PLPPR1: variants seen among roughly 807,000 people sequenced by gnomAD.
The protein encoded by PLPPR1 is phospholipid phosphatase-related protein type 1.
Under a neutral mutation model 33.1 loss-of-function variants are expected in PLPPR1, and 10 were observed. The ratio of observed to expected loss-of-function variants is 0.30; its 90% CI spans 0.19 to 0.51. PLPPR1 has a LOEUF of 0.51. Ranked by LOEUF, PLPPR1 falls within the 20% of genes least tolerant of loss-of-function variation. The pLI, the probability that PLPPR1 is intolerant of heterozygous loss-of-function variation, is 0.97. For synonymous variants in PLPPR1, 151 were observed against 151.0 expected (o/e 1.00, Z 0.00); for missense variants, 304 against 408.1 (o/e 0.74, Z 2.20).
chr9:101,178,756 C>T (rs1255961613), intron 1 of PLPPR1, among the ~76,000 whole-genome samples: 2 of 152,112 alleles, frequency 1.3e-5, no homozygotes, highest in Non-Finnish European at 2.9e-5. Flanking sequence ...CATGTATGCT[C>T]CGAATCAGTG....
intron 1 of PLPPR1, among the ~76,000 whole-genome samples, chr9:101,042,020 G>A (rs1830083643): frequency 1.3e-5 from 2 of 152,070 alleles, no homozygotes; most frequent in Non-Finnish European, 1.5e-5. Context: ...GGAGGCAGGT[G>A]GTGGAAAGCT....
At chr9:101,102,302 G>A (rs1292751744) in intron 1 of PLPPR1, among the ~76,000 whole-genome samples, 1 of 97,326 alleles carries the variant, frequency 1.0e-5, no homozygotes, top group East Asian at 3.3e-4. Flanking sequence ...CCCATCCCCC[G>A]ACCCCACCAC....
At chr9:101,188,371 AAAC>A (rs1826239528) in intron 2 of PLPPR1, among the ~76,000 whole-genome samples, 2 of 152,240 alleles carry the variant, frequency 1.3e-5, no homozygotes, top group South Asian at 4.1e-4. Flanking sequence ...GAAATTTTAA[AAAC>A]CTCTATTATT....
At chr9:101,161,484 C>T (rs73656174) in intron 1 of PLPPR1, among the ~76,000 whole-genome samples, 1 of 152,000 alleles carries the variant, frequency 6.6e-6, no homozygotes, top group Non-Finnish European at 1.5e-5. Context: ...AGATTTGTAC[C>T]CTTGCACTAA....
At chr9:101,283,060 C>A (rs1366269807) in intron 3 of PLPPR1, among the ~76,000 whole-genome samples, 3 of 152,090 alleles carry the variant, frequency 2.0e-5, no homozygotes, top group Non-Finnish European at 4.4e-5. Context: ...TAGTCTTGAA[C>A]TCCTGGCCTC....
intron 1 of PLPPR1, among the ~76,000 whole-genome samples, chr9:101,035,718 C>A (rs1672675022): frequency 6.6e-6 from 1 of 152,122 alleles, no homozygotes; most frequent in Non-Finnish European, 1.5e-5. Context: ...AATTACTGAA[C>A]CAACTTCTCC....
intron 2 of PLPPR1, among the ~76,000 whole-genome samples, chr9:101,244,981 A>G (rs965490870): frequency 4.6e-5 from 7 of 152,024 alleles, no homozygotes; most frequent in African/African-American, 1.7e-4. Flanking sequence ...TTAAGAATAC[A>G]ATACACCTAC....
At chr9:101,167,141 G>GGGGTGTGTGTGT (rs1297322438) in intron 1 of PLPPR1, among the ~76,000 whole-genome samples, 9 of 39,648 alleles carry the variant, frequency 2.3e-4, no homozygotes, top group African/African-American at 3.3e-4. Context: ...TATGTCTCTC[G>GGGGTGTGTGTGT]GTGTGTGTGT....
At chr9:101,278,687 C>T (rs541038034) in intron 3 of PLPPR1, among the ~76,000 whole-genome samples, 1 of 152,246 alleles carries the variant, frequency 6.6e-6, no homozygotes, top group Non-Finnish European at 1.5e-5. Context: ...GCCCCAGACT[C>T]CAGAGTAGTA....
chr9:101,118,040 A>C (rs1387655645), intron 1 of PLPPR1, among the ~76,000 whole-genome samples: 1 of 152,268 alleles, frequency 6.6e-6, no homozygotes, highest in African/African-American at 2.4e-5. Flanking sequence ...GGAACAATTC[A>C]GATGGTAGCC....
chr9:101,183,652 A>G, intron 1 of PLPPR1, among the ~76,000 whole-genome samples: 1 of 151,594 alleles, frequency 6.6e-6, no homozygotes, highest in Non-Finnish European at 1.5e-5. Flanking sequence ...GTGAATTGGT[A>G]TATATAAAAT....
intron 1 of PLPPR1, among the ~76,000 whole-genome samples, chr9:101,178,479 C>A (rs963186737): frequency 1.1e-4 from 17 of 152,174 alleles, no homozygotes; most frequent in Non-Finnish European, 1.5e-5. Flanking sequence ...ATGCTTCTGG[C>A]AAGACTATCA....
chr9:101,125,116 T>G (rs910194520), intron 1 of PLPPR1, among the ~76,000 whole-genome samples: 1 of 151,076 alleles, frequency 6.6e-6, no homozygotes, highest in Non-Finnish European at 1.5e-5. Flanking sequence ...TGTACCTCTT[T>G]AGGGCACTGA....
chr9:101,173,744 G>C (rs890913833), intron 1 of PLPPR1, among the ~76,000 whole-genome samples: 9 of 152,108 alleles, frequency 5.9e-5, no homozygotes, highest in African/African-American at 2.2e-4. Flanking sequence ...AAGTCTCCAT[G>C]CCTTTTTTCT....
chr9:101,090,984 T>G (rs76699797), intron 1 of PLPPR1, among the ~76,000 whole-genome samples: 8 of 151,484 alleles, frequency 5.3e-5, no homozygotes, highest in African/African-American at 1.7e-4. Flanking sequence ...CCTTTTCTTC[T>G]TCCCCCCTCC....
At chr9:101,096,555 C>A (rs1830820605) in intron 1 of PLPPR1, among the ~76,000 whole-genome samples, 1 of 152,138 alleles carries the variant, frequency 6.6e-6, no homozygotes, top group Non-Finnish European at 1.5e-5. Context: ...TAAATAAGCA[C>A]ATGAATATCA....
At chr9:101,178,525 G>A (rs1826051868) in intron 1 of PLPPR1, among the ~76,000 whole-genome samples, 1 of 152,142 alleles carries the variant, frequency 6.6e-6, no homozygotes, top group Non-Finnish European at 1.5e-5. Flanking sequence ...CCACCATCAT[G>A]GTATTCCACA....
intron 1 of PLPPR1, among the ~76,000 whole-genome samples, chr9:101,064,095 A>G (rs1830378515): frequency 6.6e-6 from 1 of 152,150 alleles, no homozygotes; most frequent in South Asian, 2.1e-4. Flanking sequence ...ATGATTCTAT[A>G]GACAGGTTTG....
chr9:101,240,266 T>C (rs1282501593), intron 2 of PLPPR1, among the ~76,000 whole-genome samples: 2 of 152,184 alleles, frequency 1.3e-5, no homozygotes, highest in African/African-American at 4.8e-5. Flanking sequence ...TGTCTGTTTT[T>C]ATACCAATAC....
Sources: gnomAD v4.1 joint callset for allele counts (sites outside exome capture counted in the v4.1 genomes callset) on GRCh38, gnomAD v4.1.1 for gene constraint, MANE v1.5 for transcripts, NCBI Gene and HGNC (gene_info 2026-07-23, HGNC 2026-07-21) for gene names.